DNAJB6: variants seen among roughly 807,000 people sequenced by gnomAD.
The protein encoded by DNAJB6 is DnaJ heat shock protein family (Hsp40) member B6.
DNAJB6 carries 16 observed loss-of-function variants against 42.7 expected under a neutral mutation model. That is an observed-to-expected ratio of 0.37 (90% CI 0.25 to 0.57). The LOEUF (loss-of-function observed/expected upper bound fraction) is 0.57. Among genes scored for constraint, DNAJB6 ranks in the 20% least tolerant of loss-of-function variants. The probability of loss-of-function intolerance (pLI) is 0.74; values close to 1 mark genes in which losing one functional copy is unlikely to be tolerated. For missense variants in DNAJB6, 347 were observed against 416.8 expected (o/e 0.83, Z 1.46); for synonymous variants, 170 against 163.5 (o/e 1.04, Z -0.30).
At position 157,408,981 on chromosome 7, in the gene DNAJB6, G is replaced by A. The variant is rs987485560; in HGVS notation, c.692-814G>A. On this transcript the variant is annotated intron_variant, in intron 8 of 9. Coordinates refer to ENST00000262177, the MANE Select transcript of DNAJB6 (RefSeq NM_058246.4). The stretch of plus-strand genomic sequence containing the variant: ...AGGGACGAGGAATCCCACCACCTGC[G>A]GCCTCGCACACTTGCTCCTGGAGCT... Among the ~76,000 whole-genome samples, 61 of 152,324 alleles carry A rather than the reference G, an allele frequency of 4.0e-4. 1 individual carries two copies. The highest frequency in any genetic ancestry group is 3.7e-3 in the Admixed American group (56 of 15,304).
At chr7:157,392,469 C>A (rs1272914154) in intron 8 of DNAJB6, among the ~76,000 whole-genome samples, 1 of 151,618 alleles carries the variant, frequency 6.6e-6, no homozygotes, top group African/African-American at 2.4e-5. Context: ...CAGAGCTGCC[C>A]CATATTTTTA....
chr7:157,392,555 G>A (rs2117128097), intron 8 of DNAJB6, among the ~76,000 whole-genome samples: 1 of 152,242 alleles, frequency 6.6e-6, no homozygotes, highest in East Asian at 1.9e-4. Flanking sequence ...CTTTGTCCCA[G>A]ATTTCTTGCC....
Position 157,410,360 on chromosome 7 carries a change from G to A in DNAJB6, c.898+359G>A, listed in dbSNP as rs1055917398. On this transcript the variant is annotated intron_variant, in intron 9 of 9. Coordinates refer to ENST00000262177, the MANE Select transcript of DNAJB6 (RefSeq NM_058246.4). The stretch of plus-strand genomic sequence containing the variant: ...TGAGGCCTGTGGCTTAGGCCGGGTG[G>A]TCTCGTGCTGGTGGGGTCTGCGTTT... 5 of 422,104 alleles carry A rather than the reference G, an allele frequency of 1.2e-5. No individual in the cohort carries two copies. The East Asian group carries it at 1.5e-4, about 12-fold the overall frequency. 26.1% of individuals were successfully genotyped at this position (422,104 alleles called of 1,614,324 possible).
chr7:157,359,163 A>T (rs944815269), intron 2 of DNAJB6, among the ~76,000 whole-genome samples: 1 of 152,210 alleles, frequency 6.6e-6, no homozygotes, highest in Non-Finnish European at 1.5e-5. Context: ...AGTCTGTTTA[A>T]TTAATGAGGT....
intron 8 of DNAJB6, chr7:157,386,425 G>A (rs1397042820): frequency 2.2e-6 from 1 of 459,208 alleles, no homozygotes; most frequent in South Asian, 9.0e-5. Context: ...TCAGTTACAT[G>A]TAGACATTTT....
At position 157,376,944 on chromosome 7, in the gene DNAJB6, AG is replaced by A. The variant is rs531943896; in HGVS notation, c.347-5296del. Among the ~76,000 whole-genome samples the A allele has an allele frequency of 7.9e-5, 12 of 152,310 alleles. No homozygotes were observed. The South Asian group carries it at 2.3e-3, about 29-fold the overall frequency. On this transcript the variant is annotated intron_variant, in intron 5 of 9. Coordinates refer to ENST00000262177, the MANE Select transcript of DNAJB6 (RefSeq NM_058246.4). ...CCAGAAAGGCAGGACAGCTCAAAGC[AG>A]GGGGGCTTCCAGACTGTTGGTGAAT...
intron 5 of DNAJB6, among the ~76,000 whole-genome samples, chr7:157,375,409 T>C (rs1019220946): frequency 1.3e-5 from 2 of 152,228 alleles, no homozygotes; most frequent in African/African-American, 4.8e-5. Context: ...TATTGTGGAT[T>C]CTTTGACTTC....
intron 5 of DNAJB6, among the ~76,000 whole-genome samples, chr7:157,373,766 G>A (rs1800334743): frequency 6.6e-6 from 1 of 151,802 alleles, no homozygotes; most frequent in Non-Finnish European, 1.5e-5. Context: ...ATTACACGGC[G>A]CTACAGCAGT....
At position 157,384,930 on chromosome 7, in the gene DNAJB6, G is replaced by A; in HGVS notation, c.542G>A (p.Gly181Asp). 10 of 1,613,870 alleles carry A rather than the reference G, an allele frequency of 6.2e-6. No individual in the cohort carries two copies. The highest frequency in any genetic ancestry group is 8.5e-6 in the Non-Finnish European group (10 of 1,179,894). The change falls in exon 7 of 10, where the codon GGT becomes GAT. Residue 181 changes from glycine (G) to aspartate (D), a missense_variant. Transcript: ENST00000262177. ...ACTTCATTCTCTTCCACGTCATTTG[G>A]TGGTAGTGGCATGGGCAACTTCAAA... The part of the protein sequence containing the change: ...GLTSFSSTSF[G>D]GSGMGNFKSI...
intron 1 of DNAJB6, among the ~76,000 whole-genome samples, chr7:157,353,463 T>G (rs185142230): frequency 6.6e-5 from 10 of 152,238 alleles, no homozygotes; most frequent in African/African-American, 2.4e-4. Context: ...TTATTCATAT[T>G]CCACCTGTTT....
Position 157,337,042 on chromosome 7 carries a change from A to T in DNAJB6, c.-129A>T, listed in dbSNP as rs1361338649. 6.6e-6 allele frequency: 1 copy of T among 152,320 alleles called. No individual in the cohort carries two copies. The highest frequency in any genetic ancestry group is 1.5e-5 in the Non-Finnish European group (1 of 68,156). The allele number at this position is 152,320 out of a possible 1,614,324, so 9.4% of individuals were successfully genotyped here. ...GAGAAAGGAGAGAAAGGAAAGCGCG[A>T]GGAGCCGCCGCCACCACCAGCGCAG... On this transcript the variant is annotated 5_prime_UTR_variant, in exon 1 of 10. Coordinates refer to ENST00000262177, the MANE Select transcript of DNAJB6 (RefSeq NM_058246.4).
chr7:157,388,943 G>T (rs1189989689), intron 8 of DNAJB6, among the ~76,000 whole-genome samples: 1 of 152,126 alleles, frequency 6.6e-6, no homozygotes, highest in Non-Finnish European at 1.5e-5. Context: ...TTGGAAACTC[G>T]GGGTTTTAAA....
intron 1 of DNAJB6, among the ~76,000 whole-genome samples, chr7:157,341,022 T>A (rs1456592851): frequency 7.4e-6 from 1 of 134,910 alleles, no homozygotes; most frequent in Non-Finnish European, 1.6e-5. Context: ...GGAATCACCC[T>A]GTGTGCCCAG....
At chr7:157,341,734 A>G (rs1280776896) in intron 1 of DNAJB6, among the ~76,000 whole-genome samples, 2 of 152,168 alleles carry the variant, frequency 1.3e-5, no homozygotes, top group Non-Finnish European at 2.9e-5. Context: ...GAGTGCTTAG[A>G]AAGTATTGAT....
chr7:157,389,419 G>A (rs1388483202), intron 8 of DNAJB6, among the ~76,000 whole-genome samples: 1 of 152,140 alleles, frequency 6.6e-6, no homozygotes, highest in Middle Eastern at 3.2e-3. Flanking sequence ...TTGTTATTTC[G>A]GAGGTTTTCA....
chr7:157,360,359 GT>G (rs1248660338), intron 2 of DNAJB6, among the ~76,000 whole-genome samples: 1 of 152,142 alleles, frequency 6.6e-6, no homozygotes, highest in African/African-American at 2.4e-5. Context: ...CTCCCCCTGG[GT>G]CCCTCGCATA....
intron 8 of DNAJB6, among the ~76,000 whole-genome samples, chr7:157,405,275 T>C (rs1364331034): frequency 6.6e-6 from 1 of 152,186 alleles, no homozygotes. Context: ...CTCTTTGCCA[T>C]GGGAGAGGGT....
chr7:157,349,547 A>G (rs924077272), intron 1 of DNAJB6, among the ~76,000 whole-genome samples: 1 of 152,106 alleles, frequency 6.6e-6, no homozygotes, highest in Non-Finnish European at 1.5e-5. Context: ...CAGTGGTAAA[A>G]TCACGGCTCA....
intron 8 of DNAJB6, among the ~76,000 whole-genome samples, chr7:157,409,151 G>T (rs1214512132): frequency 6.6e-6 from 1 of 152,014 alleles, no homozygotes; most frequent in East Asian, 1.9e-4. Context: ...TTTTTTTAAT[G>T]CATGGCCTTC....
Sources: allele counts gnomAD v4.1 joint callset (sites outside exome capture counted in the v4.1 genomes callset), GRCh38; gene constraint gnomAD v4.1.1; transcripts MANE v1.5; gene names NCBI Gene and HGNC (gene_info 2026-07-23, HGNC 2026-07-21).